RUNX2: variants seen among roughly 807,000 people sequenced by gnomAD.
RUNX2 encodes the protein runt-related transcription factor 2.
RUNX2 carries 10 observed loss-of-function variants against 51.7 expected under a neutral mutation model. That is an observed-to-expected ratio of 0.19 (90% confidence interval 0.12 to 0.33). The LOEUF is 0.33. Ranked by LOEUF, RUNX2 falls within the 10% of genes least tolerant of loss-of-function variation. RUNX2 has a pLI of 1.00. For missense variants in RUNX2, 562 were observed against 691.3 expected, an observed-to-expected ratio of 0.81 and a Z score of 2.10; for synonymous variants, 276 against 273.6, an observed-to-expected ratio of 1.01 and a Z score of -0.09.
intron 5 of RUNX2, among the ~76,000 whole-genome samples, chr6:45,447,964 TC>T (rs1466552078): frequency 2.6e-5 from 4 of 152,208 alleles, no homozygotes; most frequent in Admixed American, 1.3e-4. Flanking sequence ...GATCCACACT[TC>T]CAGTCATTCC....
chr6:45,520,289 A>G (rs1318441754), intron 7 of RUNX2, among the ~76,000 whole-genome samples: 12 of 152,204 alleles, frequency 7.9e-5, no homozygotes, highest in Non-Finnish European at 1.8e-4. Context: ...GTTTTCTATC[A>G]TAGCAATTGT....
chr6:45,509,839 A>T (rs935528956), intron 6 of RUNX2, among the ~76,000 whole-genome samples: 1 of 152,108 alleles, frequency 6.6e-6, no homozygotes, highest in East Asian at 1.9e-4. Flanking sequence ...CCCTAGACGG[A>T]TGACTTGTTG....
At position 45,424,387 on chromosome 6, in the gene RUNX2, G is replaced by A. The variant is rs1210069661; in HGVS notation, c.423+1430G>A. Among the ~76,000 whole-genome samples the A allele has an allele frequency of 3.3e-5, 5 of 152,340 alleles. No individual in the cohort carries two copies. In the East Asian group the frequency reaches 9.6e-4, roughly 29 times the overall value. ...GCAGGACTGTCCACACTCGCAAGAC[G>A]CCAGGGATGCAGGGGTGGTAAGCCA... On this transcript the variant is annotated intron_variant, in intron 3 of 8. Transcript: ENST00000647337.
intron 5 of RUNX2, among the ~76,000 whole-genome samples, chr6:45,478,360 C>T (rs1247690868): frequency 6.6e-6 from 1 of 152,178 alleles, no homozygotes; most frequent in African/African-American, 2.4e-5. Flanking sequence ...ATTTTCACCT[C>T]TTATTACATT....
intron 7 of RUNX2, among the ~76,000 whole-genome samples, chr6:45,529,097 T>C (rs546608903): frequency 2.0e-5 from 3 of 152,284 alleles, no homozygotes; most frequent in African/African-American, 7.2e-5. Context: ...AACTCTAAAT[T>C]TGGGGCTCTG....
chr6:45,336,580 TTTAA>T (rs1233482563), intron 2 of RUNX2, among the ~76,000 whole-genome samples: 1 of 151,510 alleles, frequency 6.6e-6, no homozygotes, highest in Non-Finnish European at 1.5e-5. Context: ...TGCTAAATTA[TTTAA>T]TTATTAAATG....
chr6:45,470,529 A>G (rs1308674093), intron 5 of RUNX2, among the ~76,000 whole-genome samples: 1 of 152,240 alleles, frequency 6.6e-6, no homozygotes, highest in Non-Finnish European at 1.5e-5. Flanking sequence ...TAAATGTCAC[A>G]TGAGTGATAC....
At chr6:45,389,333 G>A (rs1447664286) in intron 2 of RUNX2, among the ~76,000 whole-genome samples, 3 of 152,114 alleles carry the variant, frequency 2.0e-5, no homozygotes, top group African/African-American at 7.2e-5. Context: ...TTCACGATCT[G>A]GGAGATATCC....
rs564893166 is a variant in RUNX2 at position 45,531,265 on chromosome 6, G to A, written c.1022-13952G>A. Among the ~76,000 whole-genome samples, 7 of 152,220 alleles carry A rather than the reference G, an allele frequency of 4.6e-5. No individual in the cohort carries two copies. In the South Asian group the frequency reaches 1.5e-3, roughly 32 times the overall value. ...ATATTTGTTATCACTGATCTTTCCA[G>A]CCCAAACCTGGATAACACCATTAAT... On this transcript the variant is annotated intron_variant, in intron 7 of 8. Transcript: ENST00000647337.
At chr6:45,350,528 A>G (rs1322914975) in intron 2 of RUNX2, among the ~76,000 whole-genome samples, 1 of 152,234 alleles carries the variant, frequency 6.6e-6, no homozygotes, top group Non-Finnish European at 1.5e-5. Flanking sequence ...CAGAAGACCA[A>G]TAATAGTCAC....
chr6:45,382,032 T>C (rs1035014847), intron 2 of RUNX2, among the ~76,000 whole-genome samples: 1 of 152,172 alleles, frequency 6.6e-6, no homozygotes, highest in African/African-American at 2.4e-5. Flanking sequence ...AATGATTATG[T>C]TTTTGAGAGT....
At chr6:45,498,935 G>A (rs547048449) in intron 6 of RUNX2, among the ~76,000 whole-genome samples, 1 of 152,274 alleles carries the variant, frequency 6.6e-6, no homozygotes, top group East Asian at 1.9e-4. Context: ...GAAACAAGTT[G>A]GGAGATGAAG....
intron 2 of RUNX2, among the ~76,000 whole-genome samples, chr6:45,339,762 A>C (rs1581706896): frequency 6.6e-6 from 1 of 152,282 alleles, no homozygotes; most frequent in African/African-American, 2.4e-5. Context: ...AAATTTATTA[A>C]AGTTTTAATT....
intron 2 of RUNX2, among the ~76,000 whole-genome samples, chr6:45,330,398 G>C (rs888046942): frequency 6.6e-6 from 1 of 151,878 alleles, no homozygotes; most frequent in Non-Finnish European, 1.5e-5. Flanking sequence ...TTACACAGAG[G>C]GATAACTTGA....
chr6:45,518,591 A>G (rs1801403455), intron 7 of RUNX2, among the ~76,000 whole-genome samples: 1 of 152,142 alleles, frequency 6.6e-6, no homozygotes, highest in South Asian at 2.1e-4. Context: ...TTGTAGCTAC[A>G]CTGAGATACT....
intron 2 of RUNX2, among the ~76,000 whole-genome samples, chr6:45,366,151 G>A (rs1384811444): frequency 1.3e-5 from 2 of 152,122 alleles, no homozygotes; most frequent in Non-Finnish European, 2.9e-5. Context: ...CATAAACTTT[G>A]CAAAGCTGTA....
At chr6:45,538,014 T>A (rs1170711463) in intron 7 of RUNX2, among the ~76,000 whole-genome samples, 3 of 152,258 alleles carry the variant, frequency 2.0e-5, no homozygotes, top group Middle Eastern at 3.2e-3. Context: ...AAATAACGTT[T>A]TAACTTACTA....
At chr6:45,357,592 T>C (rs1793478509) in intron 2 of RUNX2, among the ~76,000 whole-genome samples, 1 of 152,122 alleles carries the variant, frequency 6.6e-6, no homozygotes, top group Admixed American at 6.6e-5. Flanking sequence ...CCCTCAAAAG[T>C]GCTGGGATTA....
intron 2 of RUNX2, chr6:45,371,844 A>G (rs1796119068): frequency 1.0e-6 from 1 of 983,902 alleles, no homozygotes; most frequent in Non-Finnish European, 1.2e-6. Flanking sequence ...CTTCAGAACT[A>G]CAGTTTGAAA....
Sources: allele counts gnomAD v4.1 joint callset (sites outside exome capture counted in the v4.1 genomes callset), GRCh38; gene constraint gnomAD v4.1.1; transcripts MANE v1.5; gene names NCBI Gene and HGNC (gene_info 2026-07-23, HGNC 2026-07-21).